Variants in BCAR3 observed in about 807,000 individuals in gnomAD.
BCAR3 encodes BCAR3 adaptor protein, NSP family member.
A neutral mutation model predicts 80.1 loss-of-function variants in BCAR3; 37 were observed. The ratio of observed to expected loss-of-function variants is 0.46; its 90% CI spans 0.36 to 0.61. The LOEUF (loss-of-function observed/expected upper bound fraction) is 0.61, where lower values mean the gene tolerates loss of function less well. Among genes scored for constraint, BCAR3 ranks in the 20% least tolerant of loss-of-function variants. The pLI is 0.00. For synonymous variants in BCAR3, 389 were observed against 418.9 expected, an observed-to-expected ratio of 0.93 and a Z score of 0.87; for missense variants, 978 against 1,068.2, an observed-to-expected ratio of 0.92 and a Z score of 1.18.
At chr1:93,760,505 T>C (rs1403853332) in intron 2 of BCAR3, among the ~76,000 whole-genome samples, 3 of 152,064 alleles carry the variant, frequency 2.0e-5, no homozygotes, top group Non-Finnish European at 2.9e-5. Context: ...AGAGACATTA[T>C]GGAGACTAAT....
intron 2 of BCAR3, among the ~76,000 whole-genome samples, chr1:93,751,447 G>A (rs1651553696): frequency 6.6e-6 from 1 of 152,020 alleles, no homozygotes; most frequent in Admixed American, 6.6e-5. Context: ...TTCTGACCTG[G>A]GTAACTTTAT....
chr1:93,567,319 A>G lies in BCAR3; in HGVS notation c.2259T>C (p.Ala753=), dbSNP rs1397093356. The G allele has an allele frequency of 6.2e-7, 1 of 1,614,186 alleles. No individual in the cohort carries two copies. The highest frequency in any genetic ancestry group is 1.7e-5 in the Admixed American group (1 of 60,020). Residue 753 remains alanine, a synonymous_variant, in exon 11 of 12, where the codon GCT becomes GCC. Coordinates refer to ENST00000260502, the MANE Select transcript of BCAR3 (RefSeq NM_003567.4). ...CAGCATTCATCCGGTAGCTGTCTGC[A>G]GCCTCGGCCATGAATCGCGCTGTTG... ...HLATARFMAE[A]ADSYRMNAER...
intron 3 of BCAR3, among the ~76,000 whole-genome samples, chr1:93,696,576 C>T (rs1489713774): frequency 1.3e-5 from 2 of 152,104 alleles, no homozygotes; most frequent in Non-Finnish European, 1.5e-5. Context: ...CCCATCCTGC[C>T]CTTCTCCATT....
At chr1:93,757,133 C>T (rs1297040269) in intron 2 of BCAR3, among the ~76,000 whole-genome samples, 1 of 152,186 alleles carries the variant, frequency 6.6e-6, no homozygotes, top group East Asian at 1.9e-4. Context: ...GTTTTAGCCT[C>T]TGGAATCCAT....
At chr1:93,682,147 CCTGG>C (rs1196704620), upstream of BCAR3, among the ~76,000 whole-genome samples, 1 of 152,216 alleles carries the variant, frequency 6.6e-6, no homozygotes, top group Non-Finnish European at 1.5e-5. Context: ...TCTGCAGACA[CCTGG>C]CTGGCTTTCA....
chr1:93,775,572 A>T (rs1312236243), intron 2 of BCAR3: 5 of 152,222 alleles, frequency 3.3e-5, no homozygotes. Flanking sequence ...CATTTTCTAT[A>T]TGTGTTCAAG....
chr1:93,642,008 T>A (rs1675995128), intron 3 of BCAR3, among the ~76,000 whole-genome samples: 1 of 152,196 alleles, frequency 6.6e-6, no homozygotes, highest in African/African-American at 2.4e-5. Context: ...CCCAAACCTC[T>A]CTGGGAGTAT....
chr1:93,571,894 A>G, intron 8 of BCAR3, 53 bp from the exon 9 acceptor site: 1 of 1,555,346 alleles, frequency 6.4e-7, no homozygotes, highest in Non-Finnish European at 8.7e-7. Context: ...ACTAGGAGAA[A>G]ACTAAACCAA....
chr1:93,776,160 A>G (rs1246678816), intron 2 of BCAR3, among the ~76,000 whole-genome samples: 1 of 152,212 alleles, frequency 6.6e-6, no homozygotes, highest in Non-Finnish European at 1.5e-5. Flanking sequence ...CCTCAGCAGT[A>G]TCTGGTAGGT....
rs180959727 is a variant in BCAR3, at chr1:93,809,924, G to A, written c.-63+35643C>T. Reference sequence around the variant, plus strand: ...AGGATATAAATGGAACTGCTGGCCCGATGCGGTGGCTCACGCCTGTAATCC... The same window carrying A: ...AGGATATAAATGGAACTGCTGGCCCAATGCGGTGGCTCACGCCTGTAATCC... On this transcript the variant is annotated intron_variant, in intron 2 of 13. Coordinates refer to the BCAR3 transcript ENST00000370244. Among the ~76,000 whole-genome samples, 303 of 152,144 alleles carry A rather than the reference G, an allele frequency of 2.0e-3. 1 individual carries two copies. The highest frequency in any genetic ancestry group is 6.9e-3 in the African/African-American group (287 of 41,490).
At position 93,661,218 on chromosome 1, in the gene BCAR3, T is replaced by C. The variant is rs1475992156; in HGVS notation, c.317+13396A>G. On this transcript the variant is annotated intron_variant, in intron 2 of 11. Coordinates refer to ENST00000260502, the MANE Select transcript of BCAR3 (RefSeq NM_003567.4). The stretch of plus-strand genomic sequence containing the variant: ...CCACGCCCTGCTAATTTTATAGTTT[T>C]AGTAGAGACGGGGTTTCTTCATGTT... 2.0e-5 allele frequency among the ~76,000 whole-genome samples: 3 copies of C among 152,150 alleles called. No individual in the cohort carries two copies. The East Asian group carries it at 5.8e-4, about 29-fold the overall frequency.
chr1:93,632,046 G>A (rs530660110), intron 3 of BCAR3, among the ~76,000 whole-genome samples: 1 of 152,310 alleles, frequency 6.6e-6, no homozygotes, highest in East Asian at 1.9e-4. Flanking sequence ...GGCTAAAGAT[G>A]CCAGAACCGA....
intron 2 of BCAR3, among the ~76,000 whole-genome samples, chr1:93,718,587 G>A (rs1650270510): frequency 6.6e-6 from 1 of 151,936 alleles, no homozygotes; most frequent in African/African-American, 2.4e-5. Context: ...TTAAAGGGCT[G>A]TCATGAAGAT....
At chr1:93,805,938 CT>C (rs1653640255) in intron 2 of BCAR3, among the ~76,000 whole-genome samples, 1 of 151,890 alleles carries the variant, frequency 6.6e-6, no homozygotes, top group African/African-American at 2.4e-5. Flanking sequence ...CAAGAAAGAG[CT>C]TTTTGAAATT....
chr1:93,609,710 G>GC (rs1674893563), intron 3 of BCAR3, among the ~76,000 whole-genome samples: 2 of 152,216 alleles, frequency 1.3e-5, no homozygotes, highest in African/African-American at 4.8e-5. Context: ...GGGCGGGCCT[G>GC]CCAGCGGCCA....
chr1:93,661,418 G>A (rs1442536018), intron 2 of BCAR3, among the ~76,000 whole-genome samples: 1 of 151,916 alleles, frequency 6.6e-6, no homozygotes, highest in Non-Finnish European at 1.5e-5. Context: ...CTGACCTCAA[G>A]TGATCTGCCA....
Position 93,582,642 on chromosome 1 carries a change from A to T in BCAR3, c.1345T>A (p.Cys449Ser). 6.2e-7 allele frequency: 1 copy of T among 1,614,068 alleles called. No homozygotes were observed. The highest frequency in any genetic ancestry group is 8.5e-7 in the Non-Finnish European group (1 of 1,180,002). The change falls in exon 7 of 12, where the codon TGT becomes AGT. Residue 449 changes from cysteine to serine, a missense_variant. Cys to Ser is a moderately radical substitution (Grantham distance 112). Coordinates refer to ENST00000260502, the MANE Select transcript of BCAR3 (RefSeq NM_003567.4). ...GCGRGAKLPSCAQGSHTELLT... is the reference protein window; with the variant it reads ...GCGRGAKLPSSAQGSHTELLT... ...AGTTCTGTGTGGCTTCCCTGGGCAC[A>T]TGAGGGTAGCTTTGCTCCCCTGCCG... is the stretch of plus-strand genomic sequence containing the variant.
intron 2 of BCAR3, among the ~76,000 whole-genome samples, chr1:93,777,471 T>C (rs531191009): frequency 9.2e-4 from 126 of 137,314 alleles, no homozygotes; most frequent in Non-Finnish European, 1.1e-3. Flanking sequence ...CCTCCTCTTC[T>C]TCCTCCTCCT....
At chr1:93,771,474 CA>C (rs948433297) in intron 2 of BCAR3, among the ~76,000 whole-genome samples, 1 of 152,204 alleles carries the variant, frequency 6.6e-6, no homozygotes, top group African/African-American at 2.4e-5. Context: ...TTATTACCTG[CA>C]AAAACTACAA....
Sources: gnomAD v4.1 joint callset for allele counts (sites outside exome capture counted in the v4.1 genomes callset) on GRCh38, gnomAD v4.1.1 for gene constraint, MANE v1.5 for transcripts, NCBI Gene and HGNC (gene_info 2026-07-23, HGNC 2026-07-21) for gene names.